The following UBE2K variants were observed in gnomAD, a reference collection of about 807,000 sequenced individuals.
The protein encoded by UBE2K is ubiquitin-conjugating enzyme E2 K.
Under a neutral mutation model 30.0 loss-of-function variants are expected in UBE2K, and 6 were observed. The observed-to-expected ratio is 0.20, with a 90% CI of 0.11 to 0.39. The LOEUF (loss-of-function observed/expected upper bound fraction) is 0.39. UBE2K is among the 10% of genes least tolerant of loss of function. UBE2K has a pLI of 1.00. For missense variants in UBE2K, 61 were observed against 241.6 expected (o/e 0.25, Z 4.96); for synonymous variants, 86 against 83.7 (o/e 1.03, Z -0.15).
intron 3 of UBE2K, among the ~76,000 whole-genome samples, chr4:39,754,132 C>CAGATTTG (rs1721410978): frequency 6.6e-6 from 1 of 152,112 alleles, no homozygotes; most frequent in African/African-American, 2.4e-5. Flanking sequence ...TTAAAGGGCT[C>CAGATTTG]TCTTTAGTTT....
rs1490847278 is a variant in UBE2K, at chr4:39,777,899, AAG to A, written c.528+93_528+94del. On this transcript the variant is annotated intron_variant, in intron 6 of 6. Transcript: ENST00000261427. ...GGCTGACAAAAGTGGTTTAGAAAAT[AAG>A]AGAAATTCGCAGCCTGGGCAACATG... is the stretch of plus-strand genomic sequence containing the variant. The A allele has an allele frequency of 3.1e-5, 40 of 1,287,798 alleles. No homozygotes were observed. The African/African-American group carries it at 5.4e-4, about 17-fold the overall frequency. 79.8% of individuals were successfully genotyped at this position (1,287,798 alleles called of 1,614,324 possible). A position where few individuals can be genotyped will look rare whatever the true frequency, so the allele number is the denominator to read the frequency against.
chr4:39,712,716 G>T (rs1047673864), intron 1 of UBE2K, among the ~76,000 whole-genome samples: 1 of 151,672 alleles, frequency 6.6e-6, no homozygotes. Flanking sequence ...CACCGCACTC[G>T]GCCTACATTT....
chr4:39,701,617 C>G (rs960828342), intron 1 of UBE2K, among the ~76,000 whole-genome samples: 1 of 152,036 alleles, frequency 6.6e-6, no homozygotes, highest in African/African-American at 2.4e-5. Flanking sequence ...GATAGGCATG[C>G]TTTTAATTAA....
In UBE2K at chr4:39,716,622, C is replaced by T. The variant is rs146943822; in HGVS notation, c.63+18232C>T. Among the ~76,000 whole-genome samples the T allele has an allele frequency of 2.0e-3, 310 of 152,156 alleles. 3 individuals are homozygous for T. The highest frequency in any genetic ancestry group is 2.1e-4 in the Non-Finnish European group (14 of 68,002). On this transcript the variant is annotated intron_variant, in intron 1 of 6. Transcript: ENST00000261427. The stretch of plus-strand genomic sequence containing the variant: ...AAGCCGGTAATCCCAGCGTTTTGGA[C>T]GGCTGAAGCAGGAGGATTGCTTGAG...
chr4:39,702,814 G>T (rs1255831100), intron 1 of UBE2K, among the ~76,000 whole-genome samples: 1 of 151,522 alleles, frequency 6.6e-6, no homozygotes, highest in Non-Finnish European at 1.5e-5. Context: ...GACATTTTGG[G>T]CAGATAGTTC....
intron 3 of UBE2K, among the ~76,000 whole-genome samples, chr4:39,753,713 T>G (rs999738677): frequency 3.9e-5 from 6 of 152,146 alleles, no homozygotes; most frequent in Non-Finnish European, 7.3e-5. Context: ...AAAACAAATA[T>G]GTATGAAGGC....
At chr4:39,756,698 T>C (rs549575689) in intron 4 of UBE2K, among the ~76,000 whole-genome samples, 1 of 152,238 alleles carries the variant, frequency 6.6e-6, no homozygotes, top group East Asian at 1.9e-4. Context: ...ATAAAGATGA[T>C]AGTTAATTAT....
intron 4 of UBE2K, among the ~76,000 whole-genome samples, chr4:39,757,368 G>A (rs1311781157): frequency 1.3e-5 from 2 of 152,150 alleles, no homozygotes; most frequent in Non-Finnish European, 2.9e-5. Flanking sequence ...AGAAAAAAAG[G>A]TACCTGAAAG....
At chr4:39,704,867 AC>A (rs1718244911) in intron 1 of UBE2K, among the ~76,000 whole-genome samples, 1 of 103,992 alleles carries the variant, frequency 9.6e-6, no homozygotes, top group Admixed American at 9.2e-5. Flanking sequence ...AAGACTATAC[AC>A]CTTTTTTTTT....
intron 1 of UBE2K, among the ~76,000 whole-genome samples, chr4:39,717,673 A>C (rs952344909): frequency 6.6e-6 from 1 of 152,112 alleles, no homozygotes; most frequent in Non-Finnish European, 1.5e-5. Flanking sequence ...TTGTGTCCGG[A>C]ATTGGTGGGT....
chr4:39,752,335 C>T (rs7441135), intron 3 of UBE2K, among the ~76,000 whole-genome samples: 2,470 of 64,114 alleles, frequency 0.039, 32 homozygotes, highest in Middle Eastern at 0.1. Context: ...CTTTTTTTTT[C>T]TTTTTTTTTT....
In UBE2K at chr4:39,698,290, G is replaced by A; in HGVS notation, c.-38G>A. ...GGCGGTGGCGGTGGTCGTAGCGGTG[G>A]CGGAGGAGGCGGGTACGAATCAGCT... On this transcript the variant is annotated 5_prime_UTR_variant, in exon 1 of 7. Transcript: ENST00000261427. 6.3e-7 allele frequency: 1 copy of A among 1,597,492 alleles called. No individual in the cohort carries two copies. The highest frequency in any genetic ancestry group is 8.5e-7 in the Non-Finnish European group (1 of 1,171,366).
At chr4:39,712,646 T>C (rs956254018) in intron 1 of UBE2K, among the ~76,000 whole-genome samples, 1 of 151,960 alleles carries the variant, frequency 6.6e-6, no homozygotes, top group South Asian at 2.1e-4. Context: ...GGTCTTGAAC[T>C]CTTGACCTTG....
rs1713543521 is a variant in UBE2K, at chr4:39,780,448, CAG to C, written c.*2017_*2018del. 6.6e-6 allele frequency: 1 copy of C among 152,024 alleles called. No individual in the cohort carries two copies. The highest frequency in any genetic ancestry group is 6.6e-5 in the Admixed American group (1 of 15,248). The allele number at this position is 152,024 out of a possible 1,614,324, so 9.4% of individuals were successfully genotyped here. A position where few individuals can be genotyped will look rare whatever the true frequency, so the allele number is the denominator to read the frequency against. ...GTGGTTAAACAAAGGTGAGAGAGCT[CAG>C]AGGTTTCTAAAGGTCAAGCATTTTA... On this transcript the variant is annotated 3_prime_UTR_variant, in exon 7 of 7. Transcript: ENST00000261427.
chr4:39,775,708 C>T (rs2109415602), intron 5 of UBE2K, among the ~76,000 whole-genome samples: 1 of 152,264 alleles, frequency 6.6e-6, no homozygotes, highest in South Asian at 2.1e-4. Flanking sequence ...GCTGAGATCA[C>T]ACCATTGCAC....
At chr4:39,756,693 G>T (rs572466708) in intron 4 of UBE2K, among the ~76,000 whole-genome samples, 90 of 152,274 alleles carry the variant, frequency 5.9e-4, no homozygotes, top group Admixed American at 1.4e-3. Context: ...CAATGATAAA[G>T]ATGATAGTTA....
At chr4:39,770,656 C>T in intron 4 of UBE2K, 1 of 1,588,778 alleles carries the variant, frequency 6.3e-7, no homozygotes, top group Non-Finnish European at 8.6e-7. Context: ...CAGGCCTTCA[C>T]CACACCCTGC....
intron 1 of UBE2K, among the ~76,000 whole-genome samples, chr4:39,706,765 A>G (rs992547555): frequency 2.0e-5 from 3 of 152,072 alleles, no homozygotes; most frequent in African/African-American, 7.2e-5. Flanking sequence ...CAGTGAATAC[A>G]TTATTAACAG....
intron 1 of UBE2K, among the ~76,000 whole-genome samples, chr4:39,717,917 G>C (rs762011479): frequency 3.4e-5 from 5 of 147,246 alleles, no homozygotes; most frequent in South Asian, 4.2e-4. Context: ...CTCCCGGTGG[G>C]TTCGTGGTTT....
Sources: gnomAD v4.1 joint callset for allele counts (sites outside exome capture counted in the v4.1 genomes callset) on GRCh38, gnomAD v4.1.1 for gene constraint, MANE v1.5 for transcripts, NCBI Gene and HGNC (gene_info 2026-07-23, HGNC 2026-07-21) for gene names.